The following BCKDHA variants were observed in gnomAD, a reference collection of about 807,000 sequenced individuals.
The protein encoded by BCKDHA is 2-oxoisovalerate dehydrogenase subunit alpha, mitochondrial.
BCKDHA carries 43 observed loss-of-function variants against 52.2 expected under a neutral mutation model. That is an observed-to-expected ratio of 0.82 (90% CI 0.64 to 1.06). BCKDHA has a LOEUF of 1.06. Among genes scored for constraint, BCKDHA ranks in the 50% least tolerant of loss-of-function variants. BCKDHA has a pLI of 0.00. For missense variants in BCKDHA, 527 were observed against 621.3 expected (o/e 0.85, Z 1.61); for synonymous variants, 234 against 247.9 (o/e 0.94, Z 0.53).
chr19:41,405,964 C>T (rs976050914), intron 1 of BCKDHA, among the ~76,000 whole-genome samples: 1 of 152,220 alleles, frequency 6.6e-6, no homozygotes, highest in Non-Finnish European at 1.5e-5. Flanking sequence ...CAGACTCCCC[C>T]ACCCCCTTCC....
At chr19:41,410,009 C>G (rs2039234583) in intron 1 of BCKDHA, among the ~76,000 whole-genome samples, 1 of 152,092 alleles carries the variant, frequency 6.6e-6, no homozygotes, top group African/African-American at 2.4e-5. Flanking sequence ...CCATGTTGGC[C>G]ACATTGATCT....
At chr19:41,410,616 C>T in intron 1 of BCKDHA, 21 bp from the exon 2 acceptor site, 3 of 1,613,964 alleles carry the variant, frequency 1.9e-6, no homozygotes, top group African/African-American at 1.3e-5. Flanking sequence ...TGCAGGTGGT[C>T]TCCTCTGCTC....
At position 41,410,899 on chromosome 19, in the gene BCKDHA, G is replaced by A. The variant is rs199704138; in HGVS notation, c.289-24G>A. 1.7e-4 allele frequency: 270 copies of A among 1,613,932 alleles called. 2 individuals carry two copies. The South Asian group carries it at 1.8e-3, about 11-fold the overall frequency. On this transcript the variant is annotated intron_variant, in intron 2 of 8. Transcript: ENST00000269980. ...TCCTCTCTGGTCCCAACTGCCCCAC[G>A]TCTATCTGTGCCTCCACCCGCAGCT... is the stretch of plus-strand genomic sequence containing the variant.
chr19:41,398,239 C>T (rs191390663), intron 1 of BCKDHA, among the ~76,000 whole-genome samples: 46 of 152,154 alleles, frequency 3.0e-4, no homozygotes, highest in Admixed American at 2.7e-3. Context: ...AGGGGAGGCT[C>T]CTTGGAGGAA....
intron 5 of BCKDHA, among the ~76,000 whole-genome samples, chr19:41,421,246 G>A (rs1248583367): frequency 6.6e-6 from 1 of 152,200 alleles, no homozygotes; most frequent in Non-Finnish European, 1.5e-5. Context: ...CACTCCAAGT[G>A]CAGGGAACAA....
At chr19:41,413,901 A>G (rs2039281739) in intron 3 of BCKDHA, 148 bp from the exon 4 acceptor site, 1 of 725,306 alleles carries the variant, frequency 1.4e-6, no homozygotes, top group Admixed American at 2.0e-5. Flanking sequence ...TCTTAAAGGC[A>G]GGAACCCCAG....
At chr19:41,419,428 C>T in intron 5 of BCKDHA, 132 bp downstream of exon 5, 5 of 1,163,722 alleles carry the variant, frequency 4.3e-6, no homozygotes, top group Non-Finnish European at 6.1e-6. Context: ...GGTCTGTGCT[C>T]CAGACTTCTT....
intron 3 of BCKDHA, among the ~76,000 whole-genome samples, chr19:41,412,380 CTT>C (rs530972813): frequency 0.057 from 3,770 of 65,890 alleles, 296 homozygotes; most frequent in African/African-American, 0.2. Context: ...GTAGATATTT[CTT>C]TTTTTTTTTT....
At chr19:41,409,773 A>G (rs1449755254) in intron 1 of BCKDHA, among the ~76,000 whole-genome samples, 1 of 145,740 alleles carries the variant, frequency 6.9e-6, no homozygotes, top group Non-Finnish European at 1.5e-5. Context: ...AGGGGAAGTT[A>G]CTTTGCCATA....
chr19:41,418,343 C>T (rs1384561529), intron 4 of BCKDHA, among the ~76,000 whole-genome samples: 2 of 152,108 alleles, frequency 1.3e-5, no homozygotes, highest in Non-Finnish European at 2.9e-5. Flanking sequence ...CAATCACAAA[C>T]CCCCTTCTGT....
At chr19:41,410,558 T>C in intron 1 of BCKDHA, 79 bp from the exon 2 acceptor site, 2 of 1,536,830 alleles carry the variant, frequency 1.3e-6, no homozygotes, top group South Asian at 2.3e-5. Context: ...CCATGCCGCC[T>C]GCCTGCCGCC....
intron 1 of BCKDHA, among the ~76,000 whole-genome samples, chr19:41,408,519 G>A (rs946177215): frequency 1.3e-5 from 2 of 151,832 alleles, no homozygotes; most frequent in African/African-American, 4.9e-5. Flanking sequence ...ATCCCTTTGA[G>A]CATTTATAGG....
rs754007576 is a variant in BCKDHA at position 41,410,639 on chromosome 19, C to T, written c.111C>T (p.His37=). The change falls in exon 2 of 9, where the codon CAC becomes CAT. Residue 37 remains histidine (H), a splice_region_variant and synonymous_variant. Transcript: ENST00000269980. ...QPGARGLARS[H]PPRQQQQFSS... ...GTCTCCTCTGCTCTCTTCCCCAGCA[C>T]CCCCCCAGGCAGCAGCAGCAGTTTT... 6.2e-7 allele frequency: 1 copy of T among 1,613,688 alleles called. No homozygotes were observed. The highest frequency in any genetic ancestry group is 8.5e-7 in the Non-Finnish European group (1 of 1,179,802).
At chr19:41,406,474 T>C (rs1404265570) in intron 1 of BCKDHA, among the ~76,000 whole-genome samples, 1 of 152,078 alleles carries the variant, frequency 6.6e-6, no homozygotes, top group African/African-American at 2.4e-5. Flanking sequence ...CATGGCTCAC[T>C]GCAGCCTTGA....
At chr19:41,411,988 TG>T (rs1412086148) in intron 3 of BCKDHA, among the ~76,000 whole-genome samples, 1 of 152,158 alleles carries the variant, frequency 6.6e-6, no homozygotes, top group Admixed American at 6.5e-5. Flanking sequence ...TGGGAACACA[TG>T]GAGGAGGGCA....
At chr19:41,418,550 G>A (rs546473905) in intron 4 of BCKDHA, among the ~76,000 whole-genome samples, 4 of 129,782 alleles carry the variant, frequency 3.1e-5, no homozygotes, top group East Asian at 4.3e-4. Context: ...TTTTTTTTTC[G>A]AGACAGGGTC....
intron 3 of BCKDHA, among the ~76,000 whole-genome samples, chr19:41,411,491 G>C (rs1568504104): frequency 8.0e-6 from 1 of 124,588 alleles, no homozygotes; most frequent in Non-Finnish European, 1.7e-5. Flanking sequence ...GTCCTGTTTT[G>C]GGGCACAGCT....
Position 41,422,783 on chromosome 19 carries a change from C to A in BCKDHA, c.995+13C>A, listed in dbSNP as rs745333513. On this transcript the variant is annotated intron_variant, in intron 7 of 8. Transcript: ENST00000269980. ...CCATGACCTACAGGTGCCTGCCGCT[C>A]CCCCCGTCAGCACCCCCACAGCACT... is the stretch of plus-strand genomic sequence containing the variant. 3 of 1,609,002 alleles carry A rather than the reference C, an allele frequency of 1.9e-6. No homozygotes were observed. Among genetic ancestry groups the A allele is most frequent in the South Asian group, 1.1e-5 (1 of 90,980 alleles).
chr19:41,419,093 T>C (rs2039336322), intron 4 of BCKDHA, 42 bp from the exon 5 acceptor site: 1 of 1,612,502 alleles, frequency 6.2e-7, no homozygotes, highest in Non-Finnish European at 8.5e-7. Flanking sequence ...ACTGTCCCCC[T>C]GTACTGCCCA....
Sources: allele counts gnomAD v4.1 joint callset (sites outside exome capture counted in the v4.1 genomes callset), GRCh38; gene constraint gnomAD v4.1.1; transcripts MANE v1.5; gene names NCBI Gene and HGNC (gene_info 2026-07-23, HGNC 2026-07-21).